RCOR3: variants seen among roughly 807,000 people sequenced by gnomAD.
RCOR3 encodes REST corepressor 3.
In RCOR3, 13 loss-of-function variants were observed where a neutral mutation model predicts 64.1. That is an observed-to-expected ratio of 0.20 (90% CI 0.13 to 0.32). The LOEUF (loss-of-function observed/expected upper bound fraction) is 0.32, where lower values mean the gene tolerates loss of function less well. RCOR3 is among the 10% of genes least tolerant of loss of function. The pLI, the probability that RCOR3 is intolerant of heterozygous loss-of-function variation, is 1.00. For synonymous variants in RCOR3, 215 were observed against 239.0 expected (o/e 0.90, Z 0.93); for missense variants, 489 against 701.2 (o/e 0.70, Z 3.42).
chr1:211,271,138 T>G, intron 2 of RCOR3, 94 bp from the exon 3 acceptor site: 3 of 1,054,936 alleles, frequency 2.8e-6, no homozygotes, highest in Admixed American at 1.9e-5. Flanking sequence ...ATTACAGGCA[T>G]GAGCCACCGT....
At chr1:211,289,479 GT>G in intron 8 of RCOR3, 83 bp downstream of exon 8, 1 of 1,143,840 alleles carries the variant, frequency 8.7e-7, no homozygotes. Context: ...GAGCTCAGTT[GT>G]TTGCAGATTT....
chr1:211,295,795 CT>C, intron 9 of RCOR3, 42 bp downstream of exon 9: 1 of 1,550,246 alleles, frequency 6.5e-7, no homozygotes, highest in East Asian at 2.3e-5. Flanking sequence ...ATAGTGAAAA[CT>C]TGTTTTTTCA....
chr1:211,282,054 T>C (rs1697883938), intron 7 of RCOR3, among the ~76,000 whole-genome samples: 1 of 152,214 alleles, frequency 6.6e-6, no homozygotes, highest in Non-Finnish European at 1.5e-5. Flanking sequence ...AATATATGTA[T>C]GTATATATGT....
At chr1:211,302,585 G>A (rs964741486) in intron 9 of RCOR3, 1 of 152,096 alleles carries the variant, frequency 6.6e-6, no homozygotes, top group Non-Finnish European at 1.5e-5. Context: ...TATTAAACAC[G>A]TCATTAACTA....
In RCOR3 at chr1:211,259,899, C is replaced by T. The variant is rs1484482806; in HGVS notation, c.166+173C>T. On this transcript the variant is annotated intron_variant, in intron 1 of 11. Coordinates refer to ENST00000419091, the MANE Select transcript of RCOR3 (RefSeq NM_001136223.3). ...GCACCCCCGCGACCCCCCGTCCCTC[C>T]GCCCTCGACCAATCCTCCGCCTTTG... 9.3e-6 allele frequency: 10 copies of T among 1,074,574 alleles called. No homozygotes were observed. In the East Asian group the frequency reaches 2.9e-4, roughly 31 times the overall value. The allele number at this position is 1,074,574 out of a possible 1,614,324, so 66.6% of individuals were successfully genotyped here. A position where few individuals can be genotyped will look rare whatever the true frequency, so the allele number is the denominator to read the frequency against.
intron 10 of RCOR3, among the ~76,000 whole-genome samples, chr1:211,310,027 C>T (rs960680844): frequency 2.0e-5 from 3 of 152,174 alleles, no homozygotes; most frequent in East Asian, 3.8e-4. Flanking sequence ...TATCTAATAC[C>T]TCCTGTGGTT....
At chr1:211,284,611 A>C (rs1698281111) in intron 7 of RCOR3, among the ~76,000 whole-genome samples, 2 of 152,000 alleles carry the variant, frequency 1.3e-5, no homozygotes, top group Admixed American at 1.3e-4. Context: ...TCTGGCACAA[A>C]TTCCTGGGCT....
At chr1:211,262,853 C>T in intron 2 of RCOR3, among the ~76,000 whole-genome samples, 1 of 130,644 alleles carries the variant, frequency 7.7e-6, no homozygotes, top group Non-Finnish European at 1.6e-5. Context: ...CTATTTTTAT[C>T]TTTATTTTTT....
chr1:211,281,691 T>G (rs1001822927), intron 7 of RCOR3, among the ~76,000 whole-genome samples: 2 of 152,348 alleles, frequency 1.3e-5, no homozygotes, highest in Non-Finnish European at 2.9e-5. Context: ...GTTGGTCCCT[T>G]TTTTTCTGGA....
intron 8 of RCOR3, 115 bp from the exon 9 acceptor site, chr1:211,295,561 T>C (rs548925612): frequency 3.8e-6 from 3 of 799,678 alleles, no homozygotes; most frequent in Admixed American, 4.4e-5. Context: ...GTATGACTAT[T>C]CTCCTAAAAT....
intron 8 of RCOR3, among the ~76,000 whole-genome samples, chr1:211,294,931 G>T (rs942671438): frequency 1.3e-5 from 2 of 151,904 alleles, no homozygotes; most frequent in African/African-American, 2.4e-5. Context: ...AGGCTAGAGT[G>T]CATTGGCATA....
At position 211,315,379 on chromosome 1, in the gene RCOR3, G is replaced by A. The variant is rs531343593; in HGVS notation, c.*1611G>A. 9.1e-4 allele frequency: 138 copies of A among 152,156 alleles called. No homozygotes were observed. Among genetic ancestry groups the A allele is most frequent in the African/African-American group, 3.3e-3 (135 of 41,440 alleles). The allele number at this position is 152,156 out of a possible 1,614,324, so 9.4% of individuals were successfully genotyped here. ...TAGTTTTAATTTTTAATTTTAGACT[G>A]TGTATTTCCATAAATACCCTACGTA... On this transcript the variant is annotated 3_prime_UTR_variant, in exon 12 of 12. Transcript: ENST00000419091.
chr1:211,288,570 T>C (rs1416313869), intron 7 of RCOR3, among the ~76,000 whole-genome samples: 2 of 147,350 alleles, frequency 1.4e-5, no homozygotes, highest in East Asian at 1.9e-4. Context: ...ATTTATATTT[T>C]ATTATATTTA....
intron 2 of RCOR3, among the ~76,000 whole-genome samples, chr1:211,265,739 T>G (rs1014537408): frequency 2.6e-5 from 4 of 152,030 alleles, no homozygotes; most frequent in South Asian, 2.1e-4. Context: ...TAAAATAAAA[T>G]AAAAGTGCTT....
At position 211,274,084 on chromosome 1, in the gene RCOR3, T is replaced by C. The variant is rs1290235650; in HGVS notation, c.302-126T>C. On this transcript the variant is annotated intron_variant, in intron 3 of 11. Coordinates refer to ENST00000419091, the MANE Select transcript of RCOR3 (RefSeq NM_001136223.3). ...TCTTTTTGTAACATTTCATGGGAGG[T>C]GCCTTTGGCTTTTTTTTTTACCCTG... 1.7e-4 allele frequency: 77 copies of C among 463,208 alleles called. No individual in the cohort carries two copies. In the Admixed American group the frequency reaches 4.6e-3, roughly 28 times the overall value. 28.7% of individuals were successfully genotyped at this position (463,208 alleles called of 1,614,324 possible).
chr1:211,271,386 T>G (rs1696183402), intron 3 of RCOR3, 77 bp downstream of exon 3: 2 of 1,173,494 alleles, frequency 1.7e-6, no homozygotes, highest in South Asian at 2.6e-5. Flanking sequence ...CGTTTGTTTT[T>G]GGGTCTTATA....
chr1:211,279,390 TA>T, intron 7 of RCOR3, 74 bp downstream of exon 7: 1 of 1,079,302 alleles, frequency 9.3e-7, no homozygotes. Context: ...TACTTCGTAT[TA>T]AGAAAAACTT....
At chr1:211,292,271 T>C (rs1699331197) in intron 8 of RCOR3, among the ~76,000 whole-genome samples, 1 of 152,242 alleles carries the variant, frequency 6.6e-6, no homozygotes, top group African/African-American at 2.4e-5. Context: ...CTCACCACTA[T>C]ACCACCAACG....
At chr1:211,280,196 T>C (rs1406392771) in intron 7 of RCOR3, among the ~76,000 whole-genome samples, 1 of 152,174 alleles carries the variant, frequency 6.6e-6, no homozygotes, top group African/African-American at 2.4e-5. Flanking sequence ...ACACATTGCC[T>C]AATACCCCTC....
Sources: gnomAD v4.1 joint callset for allele counts (sites outside exome capture counted in the v4.1 genomes callset) on GRCh38, gnomAD v4.1.1 for gene constraint, MANE v1.5 for transcripts, NCBI Gene and HGNC (gene_info 2026-07-23, HGNC 2026-07-21) for gene names.